SRPRA: variants seen among roughly 807,000 people sequenced by gnomAD.
SRPRA encodes the protein signal recognition particle receptor subunit alpha.
In SRPRA, 30 loss-of-function variants were observed where a neutral mutation model predicts 61.1. The observed-to-expected ratio is 0.49, with a 90% confidence interval of 0.37 to 0.67. SRPRA has a LOEUF of 0.67. Among genes scored for constraint, SRPRA ranks in the 30% least tolerant of loss-of-function variants. The probability of loss-of-function intolerance (pLI) is 0.00; values close to 1 mark genes in which losing one functional copy is unlikely to be tolerated. For missense variants in SRPRA, 759 were observed against 828.4 expected, an observed-to-expected ratio of 0.92 and a Z score of 1.03; for synonymous variants, 324 against 299.7, an observed-to-expected ratio of 1.08 and a Z score of -0.84.
chr11:126,266,299 A>G (rs766599506), intron 6 of SRPRA, 21 bp from the exon 7 acceptor site: 1 of 1,612,866 alleles, frequency 6.2e-7, no homozygotes, highest in Non-Finnish European at 8.5e-7. Context: ...CGGGGAAAGG[A>G]TGTGGGGTCA....
Position 126,267,806 on chromosome 11 carries a change from A to G in SRPRA, c.202-94T>C, listed in dbSNP as rs1208828599. Reference sequence around the variant, plus strand: ...AACCCTGGCTTTCAGAGATAGGTTCAGCTACCTGGCCGGTTTCCCTGTCCT... The same window carrying G: ...AACCCTGGCTTTCAGAGATAGGTTCGGCTACCTGGCCGGTTTCCCTGTCCT... On this transcript the variant is annotated intron_variant, in intron 2 of 13. Coordinates refer to ENST00000332118, the MANE Select transcript of SRPRA (RefSeq NM_003139.4). This position sits in a 1 kb window ranked among gnomAD's most constrained non-coding sequence, Gnocchi z 4.2. The G allele has an allele frequency of 5.2e-6, 8 of 1,549,788 alleles. No homozygotes were observed. The highest frequency in any genetic ancestry group is 2.7e-5 in the African/African-American group (2 of 73,540).
Position 126,267,335 on chromosome 11 carries a change from A to C in SRPRA, c.366T>G (p.Arg122=), listed in dbSNP as rs751713783. ...DFQNDFLRLL[R]EAEESSKIRA... ...GGATCTTACTGCTCTCCTCTGCTTC[A>C]CTAAACAAAAAGGAGAATGGTTTAT... is the stretch of plus-strand genomic sequence containing the variant. Residue 122 remains arginine (R), a splice_region_variant and synonymous_variant, in exon 4 of 14, where the codon CGT becomes CGG. Coordinates refer to ENST00000332118, the MANE Select transcript of SRPRA (RefSeq NM_003139.4). This position sits in a 1 kb window ranked among gnomAD's most constrained non-coding sequence, Gnocchi z 4.2. 6.2e-7 allele frequency: 1 copy of C among 1,613,122 alleles called. No individual in the cohort carries two copies. The highest frequency in any genetic ancestry group is 8.5e-7 in the Non-Finnish European group (1 of 1,179,800).
chr11:126,266,435 A>T, intron 6 of SRPRA, 41 bp downstream of exon 6: 1 of 1,604,348 alleles, frequency 6.2e-7, no homozygotes, highest in Non-Finnish European at 8.5e-7. Flanking sequence ...CTTCCTCCCA[A>T]TTTGTTGTTA....
At chr11:126,256,779 T>A in the SRPRA span, 1 of 1,611,470 alleles carries the variant, frequency 6.2e-7, no homozygotes, top group East Asian at 2.2e-5. This position sits in a 1 kb window ranked among gnomAD's most constrained non-coding sequence, Gnocchi z 6.6. Context: ...TCATCTCCTA[T>A]GGAGATGACT....
chr11:126,259,647 G>C (rs1170059602), downstream of SRPRA, among the ~76,000 whole-genome samples: 1 of 151,034 alleles, frequency 6.6e-6, no homozygotes, highest in African/African-American at 2.4e-5. Flanking sequence ...GGATGGTCTC[G>C]GTCTCCTGAC....
chr11:126,261,264 T>TG, downstream of SRPRA: 1 of 613,704 alleles, frequency 1.6e-6, no homozygotes, highest in Middle Eastern at 3.6e-4. Context: ...CTACTCCAGT[T>TG]TATCCTCTCT....
chr11:126,238,728 C>G, the SRPRA span, among the ~76,000 whole-genome samples: 1 of 152,132 alleles, frequency 6.6e-6, no homozygotes, highest in African/African-American at 2.4e-5. Flanking sequence ...ATTTTAGCCC[C>G]ACCAGCCCCT....
At chr11:126,261,772 T>C (rs902022716), downstream of SRPRA, among the ~76,000 whole-genome samples, 2 of 152,188 alleles carry the variant, frequency 1.3e-5, no homozygotes, top group African/African-American at 4.8e-5. Flanking sequence ...GAGGATTGCT[T>C]GAGCCCAGGA....
Position 126,265,101 on chromosome 11 carries a change from G to A in SRPRA, c.1383C>T (p.Ala461=), listed in dbSNP as rs111460748. 3.1e-5 allele frequency: 50 copies of A among 1,614,008 alleles called. No homozygotes were observed. In the Admixed American group the frequency reaches 4.7e-4, roughly 15 times the overall value. ...IAACDTFRAG[A]VEQLRTHTRR... is the part of the protein sequence containing the mutation. ...GGGTGTGTGTACGCAGCTGCTCCAC[G>A]GCCCCAGCACGAAATGTATCACAGG... Residue 461 remains alanine (A), a synonymous_variant, in exon 11 of 14, where the codon GCC becomes GCT. Coordinates refer to ENST00000332118, the MANE Select transcript of SRPRA (RefSeq NM_003139.4). The surrounding 1 kb of genome is among the most constrained non-coding windows in gnomAD (Gnocchi z 6.3).
chr11:126,245,911 G>A, the SRPRA span, among the ~76,000 whole-genome samples: 2 of 151,324 alleles, frequency 1.3e-5, no homozygotes, highest in South Asian at 4.2e-4. Context: ...CAGGAGAATT[G>A]CTTGAACCCG....
chr11:126,245,361 G>A, the SRPRA span: 1 of 152,126 alleles, frequency 6.6e-6, no homozygotes, highest in Non-Finnish European at 1.5e-5. Context: ...GAACAAAGTA[G>A]GGAGACTCAA....
chr11:126,257,323 A>T, the SRPRA span, among the ~76,000 whole-genome samples: 2 of 152,250 alleles, frequency 1.3e-5, no homozygotes, highest in African/African-American at 4.8e-5. Flanking sequence ...GAAGTTTCTC[A>T]TAAGGAGATA....
chr11:126,249,751 A>G, the SRPRA span, among the ~76,000 whole-genome samples: 4,188 of 149,562 alleles, frequency 0.028, 192 homozygotes, highest in African/African-American at 0.096. Flanking sequence ...AAAAAAAAAA[A>G]AAAGAAAAAG....
chr11:126,265,764 C>A lies in SRPRA; in HGVS notation c.1111G>T (p.Glu371Ter). The A allele has an allele frequency of 6.2e-7, 1 of 1,614,236 alleles. No individual in the cohort carries two copies. Among genetic ancestry groups the A allele is most frequent in the Non-Finnish European group, 8.5e-7 (1 of 1,180,050 alleles). The change falls in exon 9 of 14, where the codon GAA (glutamate) becomes TAA (stop). Residue 371 changes from glutamate to a stop codon, truncating the protein, a stop_gained. Coordinates refer to ENST00000332118, the MANE Select transcript of SRPRA (RefSeq NM_003139.4). LOFTEE classifies it high-confidence loss of function. The surrounding 1 kb of genome is among the most constrained non-coding windows in gnomAD (Gnocchi z 6.3). The stretch of plus-strand genomic sequence containing the variant: ...CTGAACGTCCCCATCACCTTCCCTT[C>A]CAACTTGTTGGCAACAGATTCACAG... ...QLCESVANKL[E>*]GKVMGTFSTV...
chr11:126,243,103 A>T, the SRPRA span, among the ~76,000 whole-genome samples: 1 of 152,324 alleles, frequency 6.6e-6, no homozygotes, highest in East Asian at 1.9e-4. Flanking sequence ...CCAGACACAA[A>T]AGGACATATA....
chr11:126,237,550 AT>A, the SRPRA span, among the ~76,000 whole-genome samples: 269 of 143,334 alleles, frequency 1.9e-3, no homozygotes, highest in African/African-American at 6.7e-3. Flanking sequence ...TTTTAAAAAA[AT>A]CTAGGCCAGG....
the SRPRA span, among the ~76,000 whole-genome samples, chr11:126,240,371 C>A: frequency 6.6e-6 from 1 of 151,440 alleles, no homozygotes; most frequent in Non-Finnish European, 1.5e-5. Flanking sequence ...ATAATAGGAA[C>A]TTAATTTGTC....
chr11:126,268,581 G>C, intron 1 of SRPRA, 107 bp downstream of exon 1: 1 of 891,842 alleles, frequency 1.1e-6, no homozygotes, highest in Non-Finnish European at 1.8e-6. Context: ...AGTGGTCAGT[G>C]TGAGGTGGGC....
downstream of SRPRA, chr11:126,260,773 T>C (rs1240430413): frequency 6.6e-6 from 1 of 152,246 alleles, no homozygotes; most frequent in Non-Finnish European, 1.5e-5. Context: ...TTCTAATGAC[T>C]ATTTTCTTCC....
Sources: gnomAD v4.1 joint callset for allele counts (sites outside exome capture counted in the v4.1 genomes callset) on GRCh38, gnomAD v4.1.1 for gene constraint, Gnocchi (gnomAD v3.1) non-coding constraint, MANE v1.5 for transcripts, NCBI Gene and HGNC (gene_info 2026-07-23, HGNC 2026-07-21) for gene names.